The following PBX3 variants were observed in gnomAD, a reference collection of about 807,000 sequenced individuals.
The protein encoded by PBX3 is PBX homeobox 3.
In PBX3, 14 loss-of-function variants were observed where a neutral mutation model predicts 48.5. That is an observed-to-expected ratio of 0.29 (90% CI 0.19 to 0.45). The LOEUF is 0.45. PBX3 is among the 20% of genes least tolerant of loss of function. PBX3 has a pLI of 1.00. For missense variants in PBX3, 386 were observed against 546.7 expected, an observed-to-expected ratio of 0.71 and a Z score of 2.93; for synonymous variants, 210 against 200.3, an observed-to-expected ratio of 1.05 and a Z score of -0.41.
At chr9:125,917,088 G>A (rs975604270) in intron 3 of PBX3, among the ~76,000 whole-genome samples, 1 of 152,096 alleles carries the variant, frequency 6.6e-6, no homozygotes, top group East Asian at 1.9e-4. Context: ...TTTAAAGCAA[G>A]TCTTAGACAT....
chr9:125,895,734 T>G (rs1840754133), intron 2 of PBX3, among the ~76,000 whole-genome samples: 1 of 152,100 alleles, frequency 6.6e-6, no homozygotes, highest in Admixed American at 6.6e-5. Context: ...TTTATTCAAA[T>G]GTTCATCATA....
intron 2 of PBX3, among the ~76,000 whole-genome samples, chr9:125,867,750 C>A (rs1382982615): frequency 1.3e-5 from 2 of 151,314 alleles, no homozygotes; most frequent in African/African-American, 2.4e-5. Flanking sequence ...CTCTCTCTCT[C>A]TCTATATATA....
chr9:125,855,185 A>G lies in PBX3; in HGVS notation c.275-60501A>G, dbSNP rs138628492. ...GAGATCTCATCTGCAAGAACTTAAA[A>G]CAAAACTAAGCAGAATGGAATCAAC... On this transcript the variant is annotated intron_variant, in intron 2 of 8. Transcript: ENST00000373489. 5.4e-4 allele frequency among the ~76,000 whole-genome samples: 82 copies of G among 152,300 alleles called. 5 individuals are homozygous for G. The East Asian group carries it at 0.016, about 29-fold the overall frequency.
At chr9:125,787,755 A>G (rs1010352378) in intron 2 of PBX3, among the ~76,000 whole-genome samples, 2 of 152,192 alleles carry the variant, frequency 1.3e-5, no homozygotes, top group African/African-American at 4.8e-5. Context: ...ATTGAGGAAT[A>G]AATAGGTGGA....
chr9:125,781,232 T>G (rs1210051610), intron 2 of PBX3, among the ~76,000 whole-genome samples: 1 of 150,854 alleles, frequency 6.6e-6, no homozygotes, highest in Non-Finnish European at 1.5e-5. Flanking sequence ...TGGGCACCAT[T>G]GAGCACTGAG....
At chr9:125,827,725 A>G (rs560179537) in intron 2 of PBX3, among the ~76,000 whole-genome samples, 1 of 152,226 alleles carries the variant, frequency 6.6e-6, no homozygotes, top group African/African-American at 2.4e-5. Flanking sequence ...CATTCATTTC[A>G]CTACTGATGG....
intron 2 of PBX3, among the ~76,000 whole-genome samples, chr9:125,892,024 A>C (rs939347450): frequency 6.6e-6 from 1 of 152,042 alleles, no homozygotes; most frequent in Non-Finnish European, 1.5e-5. Context: ...GATTCAAGCA[A>C]TTCTCCTGCC....
chr9:125,824,890 A>G (rs978519712), intron 2 of PBX3, among the ~76,000 whole-genome samples: 1 of 152,188 alleles, frequency 6.6e-6, no homozygotes, highest in Non-Finnish European at 1.5e-5. Context: ...CTTTACATGC[A>G]TTAGTTCATT....
chr9:125,913,482 A>G (rs1407376843), intron 2 of PBX3, among the ~76,000 whole-genome samples: 2 of 152,122 alleles, frequency 1.3e-5, no homozygotes, highest in Admixed American at 1.3e-4. Context: ...ATACGTATTT[A>G]TATACATATG....
chr9:125,751,559 T>G (rs754397702), intron 2 of PBX3, among the ~76,000 whole-genome samples: 1 of 152,234 alleles, frequency 6.6e-6, no homozygotes, highest in Non-Finnish European at 1.5e-5. Context: ...CTGCTTTTTC[T>G]TGAGAATATA....
Position 125,888,248 on chromosome 9 carries a change from C to A in PBX3, c.275-27438C>A, listed in dbSNP as rs138405556. 2.9e-4 allele frequency among the ~76,000 whole-genome samples: 44 copies of A among 152,190 alleles called. 2 individuals are homozygous for A. Among genetic ancestry groups the A allele is most frequent in the African/African-American group, 9.4e-4 (39 of 41,528 alleles). On this transcript the variant is annotated intron_variant, in intron 2 of 8. Transcript: ENST00000373489. ...GGGCTGCTTCCTGTCTAAAGTAAAC[C>A]TTTTGATCGGCATGTCCATTTTGAT... is the stretch of plus-strand genomic sequence containing the variant.
At chr9:125,768,110 G>T (rs1836848237) in intron 2 of PBX3, among the ~76,000 whole-genome samples, 1 of 151,172 alleles carries the variant, frequency 6.6e-6, no homozygotes, top group African/African-American at 2.4e-5. Context: ...TGACCTAGAT[G>T]ATATAAGGTC....
At chr9:125,757,203 C>T (rs1408597464) in intron 2 of PBX3, among the ~76,000 whole-genome samples, 1 of 151,712 alleles carries the variant, frequency 6.6e-6, no homozygotes, top group African/African-American at 2.4e-5. Context: ...TCCAAGTGTC[C>T]TTAAATGAGG....
chr9:125,915,574 TGTA>T (rs1209147568), intron 2 of PBX3, 109 bp from the exon 3 acceptor site: 2 of 716,342 alleles, frequency 2.8e-6, no homozygotes, highest in East Asian at 2.7e-5. Flanking sequence ...CAGCATGAAT[TGTA>T]GTACACTGAT....
At chr9:125,929,586 C>G in intron 3 of PBX3, 69 bp from the exon 4 acceptor site, 1 of 1,114,808 alleles carries the variant, frequency 9.0e-7, no homozygotes, top group East Asian at 2.4e-5. Context: ...GGTGTAAATT[C>G]AGATGAGTGA....
chr9:125,857,450 C>T (rs908508565), intron 2 of PBX3, among the ~76,000 whole-genome samples: 3 of 152,118 alleles, frequency 2.0e-5, no homozygotes, highest in Admixed American at 6.5e-5. Context: ...CTTCTCTCCC[C>T]ATTCTTCCCT....
At chr9:125,798,878 T>G (rs1441495282) in intron 2 of PBX3, among the ~76,000 whole-genome samples, 1 of 151,760 alleles carries the variant, frequency 6.6e-6, no homozygotes, top group Non-Finnish European at 1.5e-5. Flanking sequence ...CCCAGTTTGT[T>G]TAACTACATT....
chr9:125,780,510 G>A (rs1322883094), intron 2 of PBX3, among the ~76,000 whole-genome samples: 2 of 140,556 alleles, frequency 1.4e-5, no homozygotes, highest in Non-Finnish European at 3.1e-5. Flanking sequence ...TGGCCGGGTG[G>A]GGGGCTAACT....
At chr9:125,954,698 G>C (rs975403474) in intron 5 of PBX3, among the ~76,000 whole-genome samples, 7 of 152,092 alleles carry the variant, frequency 4.6e-5, no homozygotes, top group African/African-American at 1.7e-4. Context: ...ACCACGCCCG[G>C]CTAATTTTTT....
Sources: allele counts gnomAD v4.1 joint callset (sites outside exome capture counted in the v4.1 genomes callset), GRCh38; gene constraint gnomAD v4.1.1; transcripts MANE v1.5; gene names NCBI Gene and HGNC (gene_info 2026-07-23, HGNC 2026-07-21).